The following CD4 variants were observed in gnomAD, a reference collection of about 807,000 sequenced individuals.
CD4 encodes the protein CD4 molecule, also known as T-cell surface glycoprotein CD4.
Under a neutral mutation model 50.5 loss-of-function variants are expected in CD4, and 25 were observed. That is an observed-to-expected ratio of 0.49 (90% confidence interval 0.36 to 0.69). The LOEUF (loss-of-function observed/expected upper bound fraction) is 0.69. Ranked by LOEUF, CD4 falls within the 30% of genes least tolerant of loss-of-function variation. The probability of loss-of-function intolerance (pLI) is 0.00; values close to 1 mark genes in which losing one functional copy is unlikely to be tolerated. For synonymous variants in CD4, 207 were observed against 221.9 expected (o/e 0.93, Z 0.60); for missense variants, 456 against 548.5 (o/e 0.83, Z 1.68).
intron 3 of CD4, among the ~76,000 whole-genome samples, chr12:6,811,758 G>A (rs995076660): frequency 1.3e-5 from 2 of 150,042 alleles, no homozygotes; most frequent in African/African-American, 4.9e-5. Flanking sequence ...GTGATCCACC[G>A]CCTTGGCCTC....
chr12:6,815,428 G>T (rs1490386496), intron 5 of CD4, among the ~76,000 whole-genome samples: 3 of 152,146 alleles, frequency 2.0e-5, no homozygotes, highest in Non-Finnish European at 4.4e-5. Flanking sequence ...ACTGTGGGGA[G>T]ACCAAGGTCC....
chr12:6,801,232 A>T (rs1450224083), intron 3 of CD4, among the ~76,000 whole-genome samples: 2 of 151,740 alleles, frequency 1.3e-5, no homozygotes, highest in Non-Finnish European at 2.9e-5. Context: ...ATTAAAAAAA[A>T]AAAGGCCGGC....
In CD4 at chr12:6,792,127, G is replaced by A. The variant is rs566550944; in HGVS notation, c.-68+2465G>A. ...ATAGGAAGCTAGTCAGCAGTAGAGAGGGTGAACGCGGTGGGGCACATCCCG... is the reference window on the plus strand; with the variant it reads ...ATAGGAAGCTAGTCAGCAGTAGAGAAGGTGAACGCGGTGGGGCACATCCCG... On this transcript the variant is annotated intron_variant, in intron 1 of 9. Transcript: ENST00000011653. This position sits in a 1 kb window ranked among gnomAD's most constrained non-coding sequence, Gnocchi z 4.1. Among the ~76,000 whole-genome samples, 2 of 152,188 alleles carry A rather than the reference G, an allele frequency of 1.3e-5. No individual in the cohort carries two copies. Among genetic ancestry groups the A allele is most frequent in the Non-Finnish European group, 2.9e-5 (2 of 68,028 alleles).
chr12:6,790,850 T>A (rs1477276010), intron 1 of CD4, among the ~76,000 whole-genome samples: 1 of 152,154 alleles, frequency 6.6e-6, no homozygotes, highest in Non-Finnish European at 1.5e-5. Flanking sequence ...TCACTCTGAG[T>A]GGGATAGTGC....
chr12:6,801,213 ATTT>A (rs1323203394), intron 3 of CD4, among the ~76,000 whole-genome samples: 1 of 151,152 alleles, frequency 6.6e-6, no homozygotes, highest in Non-Finnish European at 1.5e-5. Context: ...GCCAAAAAAA[ATTT>A]TTTTAATTAA....
chr12:6,808,579 A>G (rs1942845901), intron 3 of CD4, among the ~76,000 whole-genome samples: 1 of 150,226 alleles, frequency 6.7e-6, no homozygotes, highest in Non-Finnish European at 1.5e-5. Context: ...TTACTTCTGT[A>G]AGTAAAGATT....
In CD4 at chr12:6,819,300, C is replaced by T. The variant is rs782208003; in HGVS notation, c.1348C>T (p.Arg450Trp). 3.7e-6 allele frequency: 6 copies of T among 1,613,988 alleles called. No homozygotes were observed. The highest frequency in any genetic ancestry group is 2.2e-5 in the East Asian group (1 of 44,890). Residue 450 changes from arginine (R) to tryptophan (W), a missense_variant and splice_region_variant, in exon 10 of 10, where the codon CGG becomes TGG. Physicochemically the swap from Arg to Trp is moderately radical, Grantham distance 101. Transcript: ENST00000011653. ...SEKKTCQCPHRFQKTCSPI is the reference protein window; with the variant it reads ...SEKKTCQCPHWFQKTCSPI ...TCCCCTTCTTCTTTGTTCCTGCAGC[C>T]GGTTTCAGAAGACATGTAGCCCCAT...
intron 7 of CD4, 139 bp downstream of exon 7, chr12:6,817,469 G>A: frequency 1.4e-6 from 1 of 708,626 alleles, no homozygotes; most frequent in South Asian, 1.9e-5. Context: ...GTCCCAGGGT[G>A]CTTTGGAGGC....
At position 6,818,849 on chromosome 12, in the gene CD4, C is replaced by T; in HGVS notation, c.1281C>T (p.Arg427=). 1 of 1,613,216 alleles carries T rather than the reference C, an allele frequency of 6.2e-7. No homozygotes were observed. The highest frequency in any genetic ancestry group is 8.5e-7 in the Non-Finnish European group (1 of 1,179,316). ...FFCVRCRHRR[R]QAERMSQIKR... Reference sequence around the variant, plus strand: ...CTCCCTTTCTTGTCCCTGGACAGCGCCAAGCAGAGCGGATGTCTCAGATCA... The same window carrying T: ...CTCCCTTTCTTGTCCCTGGACAGCGTCAAGCAGAGCGGATGTCTCAGATCA... Residue 427 remains arginine (R), a splice_region_variant and synonymous_variant, in exon 9 of 10, where the codon CGC becomes CGT. Transcript: ENST00000011653. The surrounding 1 kb of genome is among the most constrained non-coding windows in gnomAD (Gnocchi z 5.0).
Position 6,814,782 on chromosome 12 carries a change from C to G in CD4, c.397C>G (p.Leu133Val). 2 of 1,613,810 alleles carry G rather than the reference C, an allele frequency of 1.2e-6. No homozygotes were observed. The highest frequency in any genetic ancestry group is 1.7e-6 in the Non-Finnish European group (2 of 1,179,836). The change falls in exon 5 of 10, where the codon CTG (leucine) becomes GTG (valine). Residue 133 changes from leucine to valine, a missense_variant. Transcript: ENST00000011653. ...AGTGACTGCCAACTCTGACACCCACCTGCTTCAGGGGCAGAGCCTGACCCT... is the reference window on the plus strand; with the variant it reads ...AGTGACTGCCAACTCTGACACCCACGTGCTTCAGGGGCAGAGCCTGACCCT... ...FGLTANSDTH[L>V]LQGQSLTLTL...
chr12:6,818,749 G>A lies in CD4; in HGVS notation c.1279-98G>A. 8.0e-7 allele frequency: 1 copy of A among 1,252,758 alleles called. No homozygotes were observed. Among genetic ancestry groups the A allele is most frequent in the Non-Finnish European group, 1.2e-6 (1 of 853,286 alleles). The allele number at this position is 1,252,758 out of a possible 1,614,324, so 77.6% of individuals were successfully genotyped here. A position where few individuals can be genotyped will look rare whatever the true frequency, so the allele number is the denominator to read the frequency against. ...GATAGATGGCCTGGGCCATGTAACT[G>A]CTTCTCCTGTCGCAGCTTCCCCCAC... is the stretch of plus-strand genomic sequence containing the variant. On this transcript the variant is annotated intron_variant, in intron 8 of 9. Transcript: ENST00000011653. This position sits in a 1 kb window ranked among gnomAD's most constrained non-coding sequence, Gnocchi z 5.0.
intron 3 of CD4, among the ~76,000 whole-genome samples, chr12:6,813,288 CACAA>C (rs1464773461): frequency 6.6e-6 from 1 of 150,722 alleles, no homozygotes; most frequent in Non-Finnish European, 1.5e-5. Flanking sequence ...AACTCCTGGG[CACAA>C]ACAATCTTTC....
chr12:6,805,276 C>T (rs782394572), intron 3 of CD4, among the ~76,000 whole-genome samples: 3 of 149,790 alleles, frequency 2.0e-5, no homozygotes, highest in Non-Finnish European at 3.0e-5. Flanking sequence ...AAAAAACATG[C>T]GTAGGGCCAG....
Position 6,793,693 on chromosome 12 carries a change from TATCTATCTATC to T in CD4, c.-68+4032_-68+4042del, listed in dbSNP as rs745823162. ...CTATCTATCTATCTATCTATCTATC[TATCTATCTATC>T]TTTTTTTTTTTTGAGACAAAATCTC... On this transcript the variant is annotated intron_variant, in intron 1 of 9. Transcript: ENST00000011653. Among the ~76,000 whole-genome samples, 127 of 108,428 alleles carry T rather than the reference TATCTATCTATC, an allele frequency of 1.2e-3. 1 individual carries two copies. The highest frequency in any genetic ancestry group is 1.8e-3 in the African/African-American group (46 of 25,862). 71.1% of individuals were successfully genotyped at this position (108,428 alleles called of 152,430 possible).
intron 3 of CD4, among the ~76,000 whole-genome samples, chr12:6,811,299 A>G (rs1942927619): frequency 6.6e-6 from 1 of 152,116 alleles, no homozygotes; most frequent in African/African-American, 2.4e-5. Context: ...TGGAGCTTCC[A>G]CTGCACCCAG....
intron 5 of CD4, chr12:6,815,848 A>C: frequency 6.6e-7 from 1 of 1,505,080 alleles, no homozygotes; most frequent in Non-Finnish European, 8.9e-7. Context: ...GGGAGGAGGG[A>C]GGTGGCCTGC....
At chr12:6,796,961 G>A (rs1367623399) in intron 1 of CD4, among the ~76,000 whole-genome samples, 1 of 152,004 alleles carries the variant, frequency 6.6e-6, no homozygotes, top group Non-Finnish European at 1.5e-5. Context: ...TACCACCTTT[G>A]CACACCTCAG....
chr12:6,801,673 G>A (rs1173169752), intron 3 of CD4, among the ~76,000 whole-genome samples: 2 of 149,160 alleles, frequency 1.3e-5, no homozygotes, highest in African/African-American at 2.5e-5. Context: ...TGATTCTCCT[G>A]CCTCAGCCTC....
At position 6,814,940 on chromosome 12, in the gene CD4, T is replaced by C. The variant is rs1555117669; in HGVS notation, c.555T>C (p.Thr185=). The C allele has an allele frequency of 6.2e-7, 1 of 1,613,564 alleles. No homozygotes were observed. The highest frequency in any genetic ancestry group is 1.3e-5 in the African/African-American group (1 of 74,972). Residue 185 remains threonine, a synonymous_variant, in exon 5 of 10, where the codon ACT becomes ACC. Transcript: ENST00000011653. The part of the protein sequence containing the change: ...ELQDSGTWTC[T]VLQNQKKVEF... ...AGGATAGTGGCACCTGGACATGCAC[T>C]GTCTTGCAGAACCAGAAGAAGGTGG...
Sources: gnomAD v4.1 joint callset for allele counts (sites outside exome capture counted in the v4.1 genomes callset) on GRCh38, gnomAD v4.1.1 for gene constraint, Gnocchi (gnomAD v3.1) non-coding constraint, MANE v1.5 for transcripts, NCBI Gene and HGNC (gene_info 2026-07-23, HGNC 2026-07-21) for gene names.